Variants in EBF1 observed in about 807,000 individuals in gnomAD.
EBF1 encodes the protein EBF transcription factor 1, also known as transcription factor COE1.
A neutral mutation model predicts 68.4 loss-of-function variants in EBF1; 10 were observed. That is an observed-to-expected ratio of 0.15 (90% CI 0.09 to 0.25). The LOEUF is 0.25. EBF1 is among the 10% of genes least tolerant of loss of function. The probability of loss-of-function intolerance (pLI) is 1.00; values close to 1 mark genes in which losing one functional copy is unlikely to be tolerated. For synonymous variants in EBF1, 298 were observed against 299.8 expected, an observed-to-expected ratio of 0.99 and a Z score of 0.06; for missense variants, 509 against 794.4, an observed-to-expected ratio of 0.64 and a Z score of 4.32.
intron 6 of EBF1, among the ~76,000 whole-genome samples, chr5:158,952,019 C>T (rs1234297671): frequency 3.3e-5 from 5 of 152,122 alleles, no homozygotes; most frequent in Non-Finnish European, 4.4e-5. Context: ...AGTTTTTCAT[C>T]CTGAAAGTCC....
chr5:158,799,843 T>C (rs1265953744), intron 8 of EBF1, among the ~76,000 whole-genome samples: 1 of 152,146 alleles, frequency 6.6e-6, no homozygotes, highest in Non-Finnish European at 1.5e-5. Flanking sequence ...GGAAGCCACA[T>C]TTTTATGTCA....
chr5:159,056,249 T>C (rs918197746), intron 6 of EBF1, among the ~76,000 whole-genome samples: 4 of 152,226 alleles, frequency 2.6e-5, no homozygotes, highest in African/African-American at 7.2e-5. Context: ...TTTAGTTGGT[T>C]GACTACATTC....
intron 10 of EBF1, among the ~76,000 whole-genome samples, chr5:158,733,600 T>C (rs1009219544): frequency 2.0e-5 from 3 of 152,148 alleles, no homozygotes; most frequent in African/African-American, 7.2e-5. Context: ...ATTAGACATA[T>C]TAAACTCATT....
chr5:159,011,434 G>C (rs759607748), intron 6 of EBF1, among the ~76,000 whole-genome samples: 2 of 152,108 alleles, frequency 1.3e-5, no homozygotes, highest in South Asian at 2.1e-4. Context: ...GTTGTTTTGC[G>C]ATCCTATAAG....
Position 159,038,784 on chromosome 5 carries a change from A to G in EBF1, c.554+34612T>C, listed in dbSNP as rs146876208. ...TGTCTGAGCACCTAATTGCTGTGGA[A>G]GTCTCAGAAATTCCACCCTAACTCT... On this transcript the variant is annotated intron_variant, in intron 6 of 15. Transcript: ENST00000313708. 1.8e-3 allele frequency among the ~76,000 whole-genome samples: 281 copies of G among 152,276 alleles called. 1 individual carries two copies. Among genetic ancestry groups the G allele is most frequent in the African/African-American group, 6.3e-3 (261 of 41,570 alleles).
intron 7 of EBF1, 73 bp downstream of exon 7, chr5:158,839,956 T>C: frequency 6.8e-7 from 1 of 1,463,020 alleles, no homozygotes; most frequent in Non-Finnish European, 9.5e-7. Context: ...ACGTATCTTC[T>C]GCCTAAGACT....
At chr5:158,902,684 G>A (rs2127303028) in intron 6 of EBF1, among the ~76,000 whole-genome samples, 1 of 151,592 alleles carries the variant, frequency 6.6e-6, no homozygotes, top group Non-Finnish European at 1.5e-5. Flanking sequence ...CCAAACTCCT[G>A]GTCTCAAGGG....
chr5:158,783,116 C>T (rs928102643), intron 9 of EBF1, among the ~76,000 whole-genome samples: 2 of 152,080 alleles, frequency 1.3e-5, no homozygotes, highest in African/African-American at 4.8e-5. Flanking sequence ...GGACTGATAA[C>T]ATTCAGTGTG....
At chr5:158,782,495 C>CA (rs199942483) in intron 9 of EBF1, among the ~76,000 whole-genome samples, 158 of 148,574 alleles carry the variant, frequency 1.1e-3, no homozygotes, top group Admixed American at 4.9e-3. Context: ...CCTGTCTCTA[C>CA]AAAAAAAAAA....
intron 6 of EBF1, among the ~76,000 whole-genome samples, chr5:158,969,900 G>GAAAGAAAGA (rs1554093862): frequency 3.7e-5 from 4 of 107,162 alleles, no homozygotes; most frequent in Non-Finnish European, 5.9e-5. Flanking sequence ...AAGAAAGAAA[G>GAAAGAAAGA]AAAGAAAGAA....
At chr5:158,853,770 T>A (rs1482562524) in intron 6 of EBF1, among the ~76,000 whole-genome samples, 2 of 152,138 alleles carry the variant, frequency 1.3e-5, no homozygotes, top group African/African-American at 4.8e-5. Context: ...GCACACACAC[T>A]CACATACACA....
Position 158,909,563 on chromosome 5 carries a change from A to T in EBF1, c.555-69453T>A, listed in dbSNP as rs1412465674. Among the ~76,000 whole-genome samples the T allele has an allele frequency of 2.0e-5, 3 of 152,118 alleles. No individual in the cohort carries two copies. In the East Asian group the frequency reaches 5.8e-4, roughly 29 times the overall value. On this transcript the variant is annotated intron_variant, in intron 6 of 15. Transcript: ENST00000313708. ...CTGATCATTGGTTGGCTCAGGAAGA[A>T]TTTACCCCTCTTCTAACAGAACACT... is the stretch of plus-strand genomic sequence containing the variant.
chr5:159,061,143 A>G (rs1053815549), intron 6 of EBF1, among the ~76,000 whole-genome samples: 5 of 152,074 alleles, frequency 3.3e-5, no homozygotes, highest in African/African-American at 1.2e-4. Context: ...TTATTATCAT[A>G]TCTGCTAAAT....
At chr5:158,949,024 T>C (rs1815440860) in intron 6 of EBF1, among the ~76,000 whole-genome samples, 3 of 152,248 alleles carry the variant, frequency 2.0e-5, no homozygotes, top group Admixed American at 2.0e-4. Flanking sequence ...GAGTAGGTCA[T>C]GGAATATTTT....
At chr5:158,845,993 G>A (rs895456413) in intron 6 of EBF1, among the ~76,000 whole-genome samples, 2 of 152,200 alleles carry the variant, frequency 1.3e-5, no homozygotes, top group African/African-American at 4.8e-5. Context: ...TTTTGCAGCT[G>A]CTCTCATAAT....
At chr5:158,701,230 CT>C (rs1326047613) in intron 15 of EBF1, among the ~76,000 whole-genome samples, 1 of 152,104 alleles carries the variant, frequency 6.6e-6, no homozygotes, top group Non-Finnish European at 1.5e-5. Flanking sequence ...GAGCAGTTCC[CT>C]ATAGTATAGT....
At chr5:158,743,035 T>C (rs1766762647) in intron 10 of EBF1, among the ~76,000 whole-genome samples, 1 of 152,314 alleles carries the variant, frequency 6.6e-6, no homozygotes, top group East Asian at 1.9e-4. Flanking sequence ...CTGGAAATGA[T>C]TGATTCCATT....
intron 6 of EBF1, among the ~76,000 whole-genome samples, chr5:159,025,519 C>T (rs190514580): frequency 6.6e-5 from 10 of 152,300 alleles, no homozygotes; most frequent in South Asian, 2.1e-4. Flanking sequence ...TTATCCACAC[C>T]GCTTTATTGT....
chr5:159,060,671 C>A (rs1275368303), intron 6 of EBF1, among the ~76,000 whole-genome samples: 1 of 151,952 alleles, frequency 6.6e-6, no homozygotes, highest in Non-Finnish European at 1.5e-5. Flanking sequence ...TAGAGATTAA[C>A]AGGGTATGAC....
Sources: gnomAD v4.1 joint callset for allele counts (sites outside exome capture counted in the v4.1 genomes callset) on GRCh38, gnomAD v4.1.1 for gene constraint, MANE v1.5 for transcripts, NCBI Gene and HGNC (gene_info 2026-07-23, HGNC 2026-07-21) for gene names.